The following ZNF385D variants were observed in gnomAD, a reference collection of about 807,000 sequenced individuals.
ZNF385D encodes the protein zinc finger protein 385D, also known as zinc finger protein 659.
ZNF385D carries 15 observed loss-of-function variants against 35.8 expected under a neutral mutation model. The ratio of observed to expected loss-of-function variants is 0.42; its 90% confidence interval spans 0.28 to 0.64. The LOEUF (loss-of-function observed/expected upper bound fraction) is 0.64. ZNF385D is among the 30% of genes least tolerant of loss of function. The probability of loss-of-function intolerance (pLI) is 0.23; values close to 1 mark genes in which losing one functional copy is unlikely to be tolerated. For synonymous variants in ZNF385D, 212 were observed against 186.8 expected (o/e 1.13, Z -1.10); for missense variants, 474 against 494.6 (o/e 0.96, Z 0.39).
intron 2 of ZNF385D, among the ~76,000 whole-genome samples, chr3:21,618,728 A>T (rs529602591): frequency 2.6e-4 from 39 of 152,316 alleles, no homozygotes; most frequent in Middle Eastern, 3.4e-3. Context: ...AAAGTCTATC[A>T]GTTAAAGAAC....
At chr3:21,737,634 T>G (rs1237954522) in intron 1 of ZNF385D, among the ~76,000 whole-genome samples, 3 of 152,178 alleles carry the variant, frequency 2.0e-5, no homozygotes, top group Non-Finnish European at 4.4e-5. Flanking sequence ...CTTTTATAAT[T>G]CTCAATTTAA....
intron 2 of ZNF385D, among the ~76,000 whole-genome samples, chr3:22,289,648 T>G (rs1358903648): frequency 6.6e-6 from 1 of 152,146 alleles, no homozygotes; most frequent in Non-Finnish European, 1.5e-5. Flanking sequence ...GGTGTGCTTA[T>G]TTAAAACCAT....
At chr3:22,220,121 T>G (rs1232004650) in intron 2 of ZNF385D, among the ~76,000 whole-genome samples, 1 of 151,624 alleles carries the variant, frequency 6.6e-6, no homozygotes, top group Non-Finnish European at 1.5e-5. Flanking sequence ...TGGATTGCAG[T>G]GGTAGGATCA....
intron 2 of ZNF385D, among the ~76,000 whole-genome samples, chr3:22,169,820 G>T (rs1706567842): frequency 6.6e-6 from 1 of 152,032 alleles, no homozygotes; most frequent in Admixed American, 6.6e-5. Context: ...TTTGAGACAG[G>T]GTTTCACTCT....
chr3:22,170,100 T>C (rs536143531), intron 2 of ZNF385D, among the ~76,000 whole-genome samples: 2 of 152,326 alleles, frequency 1.3e-5, no homozygotes, highest in South Asian at 4.1e-4. Flanking sequence ...ATGGTCCAGA[T>C]AGGAGTTCTC....
chr3:22,003,911 T>A (rs1013771877), intron 3 of ZNF385D, among the ~76,000 whole-genome samples: 3 of 150,092 alleles, frequency 2.0e-5, no homozygotes, highest in African/African-American at 7.4e-5. Flanking sequence ...AAAATTCAAA[T>A]AGAACCACAA....
At chr3:21,783,637 T>C (rs1316768713) in intron 3 of ZNF385D, among the ~76,000 whole-genome samples, 1 of 152,094 alleles carries the variant, frequency 6.6e-6, no homozygotes, top group East Asian at 1.9e-4. Flanking sequence ...GAACCAGCAA[T>C]TTCTCCGTCC....
chr3:21,486,324 G>A (rs1192097590), intron 4 of ZNF385D, among the ~76,000 whole-genome samples: 1 of 148,110 alleles, frequency 6.8e-6, no homozygotes, highest in Non-Finnish European at 1.5e-5. Context: ...TGAAGAAAAG[G>A]AGCCAAGTCT....
chr3:22,068,606 CTCTG>C (rs749358765), intron 3 of ZNF385D, among the ~76,000 whole-genome samples: 12 of 152,308 alleles, frequency 7.9e-5, no homozygotes, highest in Admixed American at 1.3e-4. Flanking sequence ...TCCATCCACA[CTCTG>C]TCTATTTAGT....
intron 3 of ZNF385D, among the ~76,000 whole-genome samples, chr3:22,089,612 G>T (rs986927281): frequency 9.2e-5 from 14 of 152,106 alleles, no homozygotes; most frequent in Non-Finnish European, 1.8e-4. Context: ...TTGCTATTCA[G>T]TGAGCCATGG....
chr3:21,817,075 A>C (rs36158589), intron 3 of ZNF385D, among the ~76,000 whole-genome samples: 17 of 152,268 alleles, frequency 1.1e-4, no homozygotes, highest in Admixed American at 1.0e-3. Flanking sequence ...CAAAAACAAG[A>C]AATGGGGAAA....
chr3:21,764,106 C>A (rs113646742), intron 3 of ZNF385D, among the ~76,000 whole-genome samples: 1 of 151,924 alleles, frequency 6.6e-6, no homozygotes, highest in Admixed American at 6.6e-5. Flanking sequence ...GAGAATTTGA[C>A]GTCTAATATA....
chr3:21,879,651 T>C (rs1409585051), intron 3 of ZNF385D, among the ~76,000 whole-genome samples: 1 of 151,962 alleles, frequency 6.6e-6, no homozygotes, highest in African/African-American at 2.4e-5. Context: ...AATTAAAAAA[T>C]AGTCACAGAG....
At chr3:21,758,664 G>C (rs773569615) in intron 3 of ZNF385D, among the ~76,000 whole-genome samples, 51 of 152,172 alleles carry the variant, frequency 3.4e-4, no homozygotes, top group Middle Eastern at 3.4e-3. Flanking sequence ...TTAATTGATA[G>C]TCCTGATCCC....
At chr3:22,044,653 A>G (rs1698873674) in intron 3 of ZNF385D, among the ~76,000 whole-genome samples, 2 of 152,130 alleles carry the variant, frequency 1.3e-5, no homozygotes, top group Non-Finnish European at 2.9e-5. Flanking sequence ...AATGGGATAC[A>G]GGGCACAGAT....
In ZNF385D at chr3:22,259,334, A is replaced by C. The variant is rs1700495502; in HGVS notation, c.107-90299T>G. ...TTCCAAAATTCTAATTTTTGCATGA[A>C]AACATGAATTTTATCATTCATAGCA... On this transcript the variant is annotated intron_variant, in intron 2 of 5. Transcript: ENST00000494108. Among the ~76,000 whole-genome samples, 5 of 151,958 alleles carry C rather than the reference A, an allele frequency of 3.3e-5. No individual in the cohort carries two copies. The Admixed American group carries it at 3.3e-4, about 10-fold the overall frequency.
At chr3:22,232,792 G>C (rs1405093906) in intron 2 of ZNF385D, among the ~76,000 whole-genome samples, 2 of 152,030 alleles carry the variant, frequency 1.3e-5, no homozygotes, top group Non-Finnish European at 2.9e-5. Context: ...CATTATTGTG[G>C]CTTCACTTTC....
At chr3:22,291,031 A>G (rs1340051394) in intron 2 of ZNF385D, among the ~76,000 whole-genome samples, 1 of 152,152 alleles carries the variant, frequency 6.6e-6, no homozygotes, top group Non-Finnish European at 1.5e-5. Flanking sequence ...TACCTTCAAG[A>G]CTTGAGCAAA....
At chr3:21,867,109 T>C (rs186763429) in intron 3 of ZNF385D, among the ~76,000 whole-genome samples, 3 of 152,172 alleles carry the variant, frequency 2.0e-5, no homozygotes, top group East Asian at 3.9e-4. Flanking sequence ...TGCTGCATCA[T>C]TACATGTTAG....
Sources: gnomAD v4.1 joint callset for allele counts (sites outside exome capture counted in the v4.1 genomes callset) on GRCh38, gnomAD v4.1.1 for gene constraint, MANE v1.5 for transcripts, NCBI Gene and HGNC (gene_info 2026-07-23, HGNC 2026-07-21) for gene names.